The following MAP3K20 variants were observed in gnomAD, a reference collection of about 807,000 sequenced individuals.
The protein encoded by MAP3K20 is HCCS-4.
MAP3K20 carries 40 observed loss-of-function variants against 85.7 expected under a neutral mutation model. The ratio of observed to expected loss-of-function variants is 0.47; its 90% CI spans 0.36 to 0.61. The LOEUF (loss-of-function observed/expected upper bound fraction) is 0.61. Among genes scored for constraint, MAP3K20 ranks in the 20% least tolerant of loss-of-function variants. The pLI is 0.00. For missense variants in MAP3K20, 817 were observed against 961.7 expected (o/e 0.85, Z 1.99); for synonymous variants, 325 against 327.7 (o/e 0.99, Z 0.09).
intron 16 of MAP3K20, among the ~76,000 whole-genome samples, chr2:173,250,780 A>T (rs1300188594): frequency 6.6e-6 from 1 of 152,120 alleles, no homozygotes; most frequent in Non-Finnish European, 1.5e-5. Context: ...TTATTAATGG[A>T]ATTTTTAGGG....
chr2:173,135,068 A>C (rs1559246496), intron 2 of MAP3K20, among the ~76,000 whole-genome samples: 1 of 152,222 alleles, frequency 6.6e-6, no homozygotes, highest in Non-Finnish European at 1.5e-5. Flanking sequence ...TGGCTACAAA[A>C]TATACTAGGG....
At chr2:173,114,266 A>C (rs1488500603) in intron 2 of MAP3K20, among the ~76,000 whole-genome samples, 1 of 152,016 alleles carries the variant, frequency 6.6e-6, no homozygotes. Flanking sequence ...CCTTTACTTT[A>C]TGTGAGTACT....
chr2:173,248,919 G>A (rs1046980498), intron 16 of MAP3K20, among the ~76,000 whole-genome samples: 2 of 152,146 alleles, frequency 1.3e-5, no homozygotes, highest in East Asian at 3.8e-4. Flanking sequence ...GCACATTATT[G>A]CTGGTTACCA....
rs151172376 is a variant in MAP3K20 at position 173,267,520 on chromosome 2, A to AT, written c.*771dup. The AT allele has an allele frequency of 0.11, 16,676 of 152,244 alleles. 1,020 individuals carry two copies. Among genetic ancestry groups the AT allele is most frequent in the Middle Eastern group, 0.17 (50 of 294 alleles). The allele number at this position is 152,244 out of a possible 1,614,324, so 9.4% of individuals were successfully genotyped here. ...GTAATAAAAAAAGTTACTGAATTTA[A>AT]TGTTGAATATGATGCATATCTCATT... On this transcript the variant is annotated 3_prime_UTR_variant, in exon 20 of 20. Coordinates refer to ENST00000375213, the MANE Select transcript of MAP3K20 (RefSeq NM_016653.3).
intron 2 of MAP3K20, among the ~76,000 whole-genome samples, chr2:173,143,612 G>A (rs922114820): frequency 2.6e-5 from 4 of 152,186 alleles, no homozygotes; most frequent in Non-Finnish European, 4.4e-5. Context: ...AAGATTAGGA[G>A]TAAGACAAGG....
rs34825874 is a variant in MAP3K20, at chr2:173,184,902, GAAAA to G, written c.349+1958_349+1961del. On this transcript the variant is annotated intron_variant, in intron 4 of 19. Coordinates refer to ENST00000375213, the MANE Select transcript of MAP3K20 (RefSeq NM_016653.3). ...TCCAGCCAGAGTGAGACTCAGTCTAGAAAAAAAAAAAAAATTAGGTAGCAAACTG... is the reference window on the plus strand; with the variant it reads ...TCCAGCCAGAGTGAGACTCAGTCTAGAAAAAAAAAATTAGGTAGCAAACTG... Among the ~76,000 whole-genome samples the G allele has an allele frequency of 5.6e-5, 8 of 143,822 alleles. No homozygotes were observed. In the South Asian group the frequency reaches 1.8e-3, roughly 32 times the overall value. The allele number at this position is 143,822 out of a possible 152,430, so 94.4% of individuals were successfully genotyped here.
At chr2:173,230,318 A>G (rs1328852980) in intron 12 of MAP3K20, among the ~76,000 whole-genome samples, 2 of 152,222 alleles carry the variant, frequency 1.3e-5, no homozygotes, top group Admixed American at 6.5e-5. Flanking sequence ...CATACTTGAA[A>G]AAAAAGTGAT....
intron 16 of MAP3K20, among the ~76,000 whole-genome samples, chr2:173,247,129 G>A (rs1430068872): frequency 1.3e-5 from 2 of 152,072 alleles, no homozygotes; most frequent in South Asian, 2.1e-4. Context: ...CTCCCACTCC[G>A]CAGTGGAAGA....
At chr2:173,105,630 C>T (rs770529203) in intron 2 of MAP3K20, among the ~76,000 whole-genome samples, 2 of 152,038 alleles carry the variant, frequency 1.3e-5, no homozygotes, top group Non-Finnish European at 2.9e-5. Context: ...ATCTTGAAAA[C>T]GTATGCTAAG....
Position 173,266,090 on chromosome 2 carries a change from G to A in MAP3K20, c.1743G>A (p.Gln581=), listed in dbSNP as rs1237762358. 1 of 1,598,962 alleles carries A rather than the reference G, an allele frequency of 6.3e-7. No homozygotes were observed. The highest frequency in any genetic ancestry group is 1.1e-5 in the South Asian group (1 of 88,870). ...GGTTAGATACTCTGAGGATGCGGCA[G>A]ATTGCATCCAACACTTCTTTACAGC... ...CQWLDTLRMR[Q]IASNTSLQRS... The change falls in exon 20 of 20, where the codon CAG becomes CAA. Residue 581 remains glutamine (Q), a synonymous_variant. Transcript: ENST00000375213.
intron 1 of MAP3K20, among the ~76,000 whole-genome samples, chr2:173,086,506 GTA>G (rs1687150884): frequency 6.6e-6 from 1 of 152,150 alleles, no homozygotes; most frequent in African/African-American, 2.4e-5. Flanking sequence ...AGTTTATTCG[GTA>G]TTCAGATGGA....
intron 6 of MAP3K20, 52 bp downstream of exon 6, chr2:173,190,975 T>C (rs1208366130): frequency 6.2e-7 from 1 of 1,608,504 alleles, no homozygotes; most frequent in East Asian, 2.2e-5. Flanking sequence ...ATGTAGATTT[T>C]TGTAACTGAT....
chr2:173,222,452 C>G, intron 11 of MAP3K20: 10 of 985,816 alleles, frequency 1.0e-5, no homozygotes, highest in Non-Finnish European at 1.1e-5. Flanking sequence ...GCCATGGAAG[C>G]CTCTTAACAA....
chr2:173,205,463 T>G (rs1218178707), intron 9 of MAP3K20, among the ~76,000 whole-genome samples: 2 of 152,200 alleles, frequency 1.3e-5, no homozygotes, highest in East Asian at 3.9e-4. Context: ...AGAATTCATG[T>G]TGATGGTTCA....
intron 1 of MAP3K20, among the ~76,000 whole-genome samples, chr2:173,078,867 T>A (rs797022281): frequency 1.3e-5 from 2 of 152,324 alleles, no homozygotes; most frequent in African/African-American, 4.8e-5. Context: ...AACAATGATA[T>A]GACTTTGGAG....
chr2:173,223,031 A>G, intron 11 of MAP3K20: 1 of 985,470 alleles, frequency 1.0e-6, no homozygotes, highest in Non-Finnish European at 1.2e-6. Flanking sequence ...CATAGATATG[A>G]TCTAACAGTA....
chr2:173,112,226 T>C (rs560671128), intron 2 of MAP3K20, among the ~76,000 whole-genome samples: 177 of 152,330 alleles, frequency 1.2e-3, no homozygotes, highest in African/African-American at 4.2e-3. Flanking sequence ...TGTTGGTGTA[T>C]AGAAGAGCTA....
rs1052083409 is a variant in MAP3K20 at position 173,075,889 on chromosome 2, T to A, written c.-148T>A. ...AGAGGCGGAATGTTCAACTCCTAAC[T>A]GCAGCGGAAACGTGGGAGCCGCGCG... On this transcript the variant is annotated 5_prime_UTR_variant, in exon 1 of 20. Coordinates refer to ENST00000375213, the MANE Select transcript of MAP3K20 (RefSeq NM_016653.3). 4 of 985,158 alleles carry A rather than the reference T, an allele frequency of 4.1e-6. No homozygotes were observed. In the African/African-American group the frequency reaches 7.0e-5, roughly 17 times the overall value. 61.0% of individuals were successfully genotyped at this position (985,158 alleles called of 1,614,324 possible).
intron 9 of MAP3K20, 124 bp downstream of exon 9, chr2:173,203,994 C>A: frequency 1.2e-6 from 1 of 835,530 alleles, no homozygotes; most frequent in Non-Finnish European, 2.0e-6. Flanking sequence ...CTCCTATGAG[C>A]CCCAGATTGA....
Sources: allele counts gnomAD v4.1 joint callset (sites outside exome capture counted in the v4.1 genomes callset), GRCh38; gene constraint gnomAD v4.1.1; transcripts MANE v1.5; gene names NCBI Gene and HGNC (gene_info 2026-07-23, HGNC 2026-07-21).